CYFIP1: variants seen among roughly 807,000 people sequenced by gnomAD.
CYFIP1 encodes the protein cytoplasmic FMR1-interacting protein 1.
In CYFIP1, 58 loss-of-function variants were observed where a neutral mutation model predicts 163.5. The ratio of observed to expected loss-of-function variants is 0.35; its 90% CI spans 0.29 to 0.44. The LOEUF is 0.44. Among genes scored for constraint, CYFIP1 ranks in the 20% least tolerant of loss-of-function variants. The pLI is 1.00. For missense variants in CYFIP1, 1,338 were observed against 1,653.8 expected (o/e 0.81, Z 3.31); for synonymous variants, 663 against 660.7 (o/e 1.00, Z -0.05).
intron 1 of CYFIP1, among the ~76,000 whole-genome samples, chr15:22,975,125 G>A (rs2063221528): frequency 6.6e-6 from 1 of 152,120 alleles, no homozygotes; most frequent in Non-Finnish European, 1.5e-5. Flanking sequence ...TGAGAACACA[G>A]TATGTAATAC....
chr15:22,912,869 T>C (rs2060832266), intron 17 of CYFIP1, among the ~76,000 whole-genome samples: 1 of 152,044 alleles, frequency 6.6e-6, no homozygotes, highest in African/African-American at 2.4e-5. Flanking sequence ...TGCAGTGAGC[T>C]GAGATCGTGC....
intron 21 of CYFIP1, chr15:22,904,206 T>C (rs955895008): frequency 4.3e-6 from 2 of 466,708 alleles, no homozygotes; most frequent in East Asian, 4.1e-5. Context: ...CTTCCCCCCA[T>C]GTGCCCGCTG....
At position 22,926,080 on chromosome 15, in the gene CYFIP1, C is replaced by A; in HGVS notation, c.1261G>T (p.Asp421Tyr). Reference sequence around the variant, plus strand: ...GGGCAGTCCTTGTTGGAGTACTTGTCGGTGGGGTGCACAAGCTTCCAGGAA... The same window carrying A: ...GGGCAGTCCTTGTTGGAGTACTTGTAGGTGGGGTGCACAAGCTTCCAGGAA... ...VYSWKLVHPT[D>Y]KYSNKDCPDS... Residue 421 changes from aspartate (D) to tyrosine (Y), a missense_variant, in exon 13 of 31, where the codon GAC (aspartate) becomes TAC (tyrosine). Physicochemically the swap from Asp to Tyr is radical, Grantham distance 160. Coordinates refer to ENST00000617928, the MANE Select transcript of CYFIP1 (RefSeq NM_014608.6). The A allele has an allele frequency of 8.1e-6, 13 of 1,614,114 alleles. No individual in the cohort carries two copies. Among genetic ancestry groups the A allele is most frequent in the Non-Finnish European group, 8.5e-6 (10 of 1,179,986 alleles).
chr15:22,980,052 G>A (rs914597386), intron 1 of CYFIP1, among the ~76,000 whole-genome samples: 1 of 151,912 alleles, frequency 6.6e-6, no homozygotes, highest in Non-Finnish European at 1.5e-5. Context: ...AGCCAGTGCA[G>A]GGAGTGCGGG....
intron 9 of CYFIP1, among the ~76,000 whole-genome samples, chr15:22,935,415 G>A (rs566947159): frequency 6.6e-6 from 1 of 152,206 alleles, no homozygotes. Flanking sequence ...ACCACGCGCA[G>A]AAGTCAGTTC....
chr15:22,933,908 C>CA lies in CYFIP1; in HGVS notation c.901-16dup, dbSNP rs781124218. 3.2e-6 allele frequency: 5 copies of CA among 1,567,224 alleles called. No individual in the cohort carries two copies. Among genetic ancestry groups the CA allele is most frequent in the Admixed American group, 1.8e-5 (1 of 54,930 alleles). On this transcript the variant is annotated splice_polypyrimidine_tract_variant and intron_variant, in intron 9 of 30. Coordinates refer to ENST00000617928, the MANE Select transcript of CYFIP1 (RefSeq NM_014608.6). Reference sequence around the variant, plus strand: ...ACCTGGAGTTGCTGTATTCAAAGAACAAAAAAATAGAGTCATTATGTATAT... The same window carrying CA: ...ACCTGGAGTTGCTGTATTCAAAGAACAAAAAAAATAGAGTCATTATGTATAT...
At chr15:22,932,767 T>C (rs1357094352) in intron 10 of CYFIP1, among the ~76,000 whole-genome samples, 1 of 152,156 alleles carries the variant, frequency 6.6e-6, no homozygotes. Context: ...CAGAGTAAGA[T>C]GGTACACAGT....
At chr15:22,942,976 G>A (rs896049331) in intron 6 of CYFIP1, among the ~76,000 whole-genome samples, 197 bp downstream of exon 6, 3 of 152,226 alleles carry the variant, frequency 2.0e-5, no homozygotes, top group African/African-American at 4.8e-5. Context: ...GCAAAGCCAC[G>A]ATATGCACTT....
Position 22,903,867 on chromosome 15 carries a change from G to T in CYFIP1, c.2427C>A (p.His809Gln). Residue 809 changes from histidine (H) to glutamine (Q), a missense_variant, in exon 22 of 31, where the codon CAC (histidine) becomes CAA (glutamine). This residue lies in a region of CYFIP1 where 824 missense variants were observed against 995.7 expected (regional missense o/e 0.83). Coordinates refer to ENST00000617928, the MANE Select transcript of CYFIP1 (RefSeq NM_014608.6). ...DGLLEINRMT[H>Q]KLLSRYLTLD... is the part of the protein sequence containing the mutation. ...GCGTCAGGTACCGGCTCAGCAGCTT[G>T]TGGGTCATGCGGTTGATTTCCAACA... The T allele has an allele frequency of 6.2e-7, 1 of 1,614,172 alleles. No individual in the cohort carries two copies. Among genetic ancestry groups the T allele is most frequent in the South Asian group, 1.1e-5 (1 of 91,082 alleles).
intron 13 of CYFIP1, among the ~76,000 whole-genome samples, chr15:22,921,051 T>C (rs66903469): frequency 0.38 from 57,508 of 151,720 alleles, 11,129 homozygotes; most frequent in East Asian, 0.55. Flanking sequence ...AACAGCAAAA[T>C]AAACCCCCCC....
chr15:22,979,542 G>C (rs1290394194), intron 1 of CYFIP1, among the ~76,000 whole-genome samples: 1 of 152,152 alleles, frequency 6.6e-6, no homozygotes, highest in Non-Finnish European at 1.5e-5. Flanking sequence ...ACTTAATAGC[G>C]GAGCTGACAC....
At chr15:22,969,896 G>A (rs538768220) in intron 1 of CYFIP1, among the ~76,000 whole-genome samples, 4 of 152,056 alleles carry the variant, frequency 2.6e-5, no homozygotes, top group Non-Finnish European at 5.9e-5. Context: ...ACAGACCTGC[G>A]GACAAAAATT....
intron 1 of CYFIP1, among the ~76,000 whole-genome samples, chr15:22,957,361 G>A (rs1366085514): frequency 6.6e-6 from 1 of 152,140 alleles, no homozygotes; most frequent in Non-Finnish European, 1.5e-5. Context: ...AATTGGCCGG[G>A]CGCAGTGGCT....
chr15:22,977,646 C>T (rs2063323601), intron 1 of CYFIP1, among the ~76,000 whole-genome samples: 1 of 151,996 alleles, frequency 6.6e-6, no homozygotes, highest in African/African-American at 2.4e-5. Flanking sequence ...GCCTGGCCAA[C>T]ATGGCAAAAC....
chr15:22,943,394 G>A, intron 5 of CYFIP1, 40 bp from the exon 6 acceptor site: 1 of 1,596,680 alleles, frequency 6.3e-7, no homozygotes, highest in Non-Finnish European at 8.5e-7. Flanking sequence ...CTGCAGGTCA[G>A]TGAGGAGCCA....
In CYFIP1 at chr15:22,903,839, C is replaced by G; in HGVS notation, c.2455G>C (p.Asp819His). ...TCCCGGAACATGGCGTCGAAGCCGT[C>G]CAGCGTCAGGTACCGGCTCAGCAGC... ...HKLLSRYLTL[D>H]GFDAMFREAN... Residue 819 changes from aspartate (D) to histidine (H), a missense_variant, in exon 22 of 31, where the codon GAC (aspartate) becomes CAC (histidine). Asp to His is a moderately conservative substitution (Grantham distance 81). Coordinates refer to ENST00000617928, the MANE Select transcript of CYFIP1 (RefSeq NM_014608.6). 1.9e-6 allele frequency: 3 copies of G among 1,614,188 alleles called. No individual in the cohort carries two copies. The highest frequency in any genetic ancestry group is 2.5e-6 in the Non-Finnish European group (3 of 1,180,036).
intron 11 of CYFIP1, among the ~76,000 whole-genome samples, chr15:22,929,844 G>A (rs1277871535): frequency 8.6e-5 from 13 of 151,248 alleles, no homozygotes; most frequent in African/African-American, 1.7e-4. Flanking sequence ...GCTGAGGCAG[G>A]AGAATGGCGT....
At position 22,875,184 on chromosome 15, in the gene CYFIP1, G is replaced by GGTC; in HGVS notation, c.3115+12_3115+14dup. 6.2e-7 allele frequency: 1 copy of GGTC among 1,613,426 alleles called. No homozygotes were observed. The highest frequency in any genetic ancestry group is 1.3e-5 in the African/African-American group (1 of 74,976). ...AGGGCAGTCTGGACTCCCTGGTGGG[G>GGTC]GTCAGCAGGCTCACCTTTCACATGG... On this transcript the variant is annotated intron_variant, in intron 27 of 30. Coordinates refer to ENST00000617928, the MANE Select transcript of CYFIP1 (RefSeq NM_014608.6).
intron 22 of CYFIP1, among the ~76,000 whole-genome samples, chr15:22,898,970 C>T (rs544233242): frequency 6.6e-6 from 1 of 151,828 alleles, no homozygotes; most frequent in Admixed American, 6.6e-5. Flanking sequence ...CCACTGCACT[C>T]CAGCCTGGGT....
Sources: gnomAD v4.1 joint callset for allele counts (sites outside exome capture counted in the v4.1 genomes callset) on GRCh38, gnomAD v4.1.1 for gene constraint, gnomAD v4.1.1 regional missense constraint, MANE v1.5 for transcripts, NCBI Gene and HGNC (gene_info 2026-07-23, HGNC 2026-07-21) for gene names.